The following ANKS1B variants were observed in gnomAD, a reference collection of about 807,000 sequenced individuals.
ANKS1B encodes the protein ankyrin repeat and sterile alpha motif domain-containing protein 1B.
A neutral mutation model predicts 148.3 loss-of-function variants in ANKS1B; 36 were observed. The ratio of observed to expected loss-of-function variants is 0.24; its 90% CI spans 0.19 to 0.32. The LOEUF (loss-of-function observed/expected upper bound fraction) is 0.32. ANKS1B is among the 10% of genes least tolerant of loss of function. ANKS1B has a pLI of 1.00. For synonymous variants in ANKS1B, 542 were observed against 560.8 expected (o/e 0.97, Z 0.47); for missense variants, 1,157 against 1,542.6 (o/e 0.75, Z 4.19).
rs3049844 is a variant in ANKS1B, at chr12:98,800,675, GATATAT to G, written c.3270+316_3270+321del. ...ACCCAGTGTTTGGTGAGTGAGCAGA[GATATAT>G]ATATATATATGCCATATTTACACTC... On this transcript the variant is annotated intron_variant, in intron 21 of 26. Coordinates refer to ENST00000683438, the MANE Select transcript of ANKS1B (RefSeq NM_001352186.2). Among the ~76,000 whole-genome samples, 4 of 99,712 alleles carry G rather than the reference GATATAT, an allele frequency of 4.0e-5. 1 individual carries two copies. The highest frequency in any genetic ancestry group is 4.8e-3 in the Middle Eastern group (1 of 210). The allele number at this position is 99,712 out of a possible 152,430, so 65.4% of individuals were successfully genotyped here.
At chr12:99,663,124 A>C (rs2098485848) in intron 8 of ANKS1B, among the ~76,000 whole-genome samples, 1 of 152,138 alleles carries the variant, frequency 6.6e-6, no homozygotes, top group Non-Finnish European at 1.5e-5. Flanking sequence ...CTAAGGGCTT[A>C]ATGGGGCACT....
intron 8 of ANKS1B, among the ~76,000 whole-genome samples, chr12:99,764,751 T>G (rs7962459): frequency 0.2 from 29,802 of 152,154 alleles, 3,350 homozygotes; most frequent in Non-Finnish European, 0.26. Context: ...TAAAATATAT[T>G]TATCTAAGAC....
At chr12:99,058,778 C>T (rs1289686125) in intron 16 of ANKS1B, among the ~76,000 whole-genome samples, 1 of 124,084 alleles carries the variant, frequency 8.1e-6, no homozygotes, top group Non-Finnish European at 1.6e-5. Context: ...CGCTCTGTCG[C>T]CCAGGCTGGA....
At chr12:99,334,366 C>G (rs1050793181) in intron 12 of ANKS1B, among the ~76,000 whole-genome samples, 3 of 152,022 alleles carry the variant, frequency 2.0e-5, no homozygotes, top group African/African-American at 7.2e-5. Context: ...CAAAATCTCC[C>G]TGTTCTTATC....
intron 19 of ANKS1B, among the ~76,000 whole-genome samples, chr12:98,813,387 T>C (rs1566798820): frequency 6.6e-6 from 1 of 151,598 alleles, no homozygotes; most frequent in Non-Finnish European, 1.5e-5. Context: ...TTTTTTTTTT[T>C]TTCTAAATGT....
intron 8 of ANKS1B, among the ~76,000 whole-genome samples, chr12:99,730,587 C>G (rs1171934400): frequency 6.6e-6 from 1 of 152,148 alleles, no homozygotes; most frequent in East Asian, 1.9e-4. Context: ...CAGAAGAGAA[C>G]TCTACTTCAG....
intron 12 of ANKS1B, among the ~76,000 whole-genome samples, chr12:99,310,907 C>T (rs576463639): frequency 6.6e-6 from 1 of 152,284 alleles, no homozygotes; most frequent in Non-Finnish European, 1.5e-5. Flanking sequence ...ATGTGACTCT[C>T]AGCAAGTTAT....
chr12:99,789,500 A>G (rs1473784412), intron 4 of ANKS1B, among the ~76,000 whole-genome samples: 1 of 152,228 alleles, frequency 6.6e-6, no homozygotes, highest in East Asian at 1.9e-4. Context: ...TAGATATATG[A>G]TCTTTCAGAC....
At chr12:99,160,236 C>A (rs2076507601) in intron 14 of ANKS1B, among the ~76,000 whole-genome samples, 1 of 151,888 alleles carries the variant, frequency 6.6e-6, no homozygotes, top group Non-Finnish European at 1.5e-5. Context: ...TAATTAGGTC[C>A]CACTTATCAA....
At chr12:98,909,353 T>C (rs1184064413) in intron 17 of ANKS1B, among the ~76,000 whole-genome samples, 1 of 152,148 alleles carries the variant, frequency 6.6e-6, no homozygotes, top group Non-Finnish European at 1.5e-5. Flanking sequence ...GATGCTTTGA[T>C]ATAGAAATTA....
intron 15 of ANKS1B, among the ~76,000 whole-genome samples, chr12:99,123,555 G>T (rs1490646521): frequency 1.3e-5 from 2 of 152,190 alleles, no homozygotes; most frequent in Admixed American, 6.5e-5. Context: ...AAGCTGAGGA[G>T]CCAGGAAACC....
At chr12:99,960,417 C>A (rs1403891574) in intron 1 of ANKS1B, among the ~76,000 whole-genome samples, 1 of 152,210 alleles carries the variant, frequency 6.6e-6, no homozygotes, top group Non-Finnish European at 1.5e-5. Flanking sequence ...ACCTTCCTTT[C>A]CTTCTGCTCC....
chr12:99,423,157 G>C (rs1282843928), intron 11 of ANKS1B, among the ~76,000 whole-genome samples: 1 of 152,064 alleles, frequency 6.6e-6, no homozygotes, highest in Admixed American at 6.6e-5. Flanking sequence ...GAGAAATTTA[G>C]GTCTGCTGAG....
At chr12:99,126,122 T>A (rs2064265098) in intron 15 of ANKS1B, among the ~76,000 whole-genome samples, 1 of 152,244 alleles carries the variant, frequency 6.6e-6, no homozygotes, top group African/African-American at 2.4e-5. Context: ...CATGTGGTTG[T>A]CATTCACATG....
chr12:99,168,728 C>T (rs990220813), intron 14 of ANKS1B, among the ~76,000 whole-genome samples: 3 of 152,168 alleles, frequency 2.0e-5, no homozygotes, highest in South Asian at 4.2e-4. Flanking sequence ...AATTTGAGGA[C>T]CAATGACCTG....
At chr12:98,947,510 A>G (rs140973469) in intron 17 of ANKS1B, among the ~76,000 whole-genome samples, 9 of 152,262 alleles carry the variant, frequency 5.9e-5, no homozygotes, top group African/African-American at 2.2e-4. Context: ...TTAACTCTCA[A>G]ATTTACCTGA....
intron 17 of ANKS1B, 105 bp downstream of exon 17, chr12:99,053,052 T>C (rs973896212): frequency 9.9e-7 from 1 of 1,010,840 alleles, no homozygotes; most frequent in African/African-American, 1.7e-5. Context: ...ACAGAAGGCA[T>C]ATCTATAAAT....
intron 17 of ANKS1B, among the ~76,000 whole-genome samples, chr12:98,938,874 C>T (rs556556666): frequency 1.3e-5 from 2 of 152,300 alleles, no homozygotes; most frequent in East Asian, 1.9e-4. Context: ...ATGTGCTTAC[C>T]ATTTGCAATG....
At chr12:98,807,700 A>G in intron 20 of ANKS1B, 144 bp downstream of exon 20, 1 of 546,468 alleles carries the variant, frequency 1.8e-6, no homozygotes, top group Non-Finnish European at 3.2e-6. Flanking sequence ...TAAATGAAGT[A>G]TAATAGACAA....
Sources: gnomAD v4.1 joint callset for allele counts (sites outside exome capture counted in the v4.1 genomes callset) on GRCh38, gnomAD v4.1.1 for gene constraint, MANE v1.5 for transcripts, NCBI Gene and HGNC (gene_info 2026-07-23, HGNC 2026-07-21) for gene names.